Variants in MAPK10 observed in about 807,000 individuals in gnomAD.
The protein encoded by MAPK10 is JNK3 alpha protein kinase.
A neutral mutation model predicts 59.3 loss-of-function variants in MAPK10; 25 were observed. The ratio of observed to expected loss-of-function variants is 0.42; its 90% CI spans 0.31 to 0.59. The LOEUF (loss-of-function observed/expected upper bound fraction) is 0.59. Among genes scored for constraint, MAPK10 ranks in the 20% least tolerant of loss-of-function variants. The probability of loss-of-function intolerance (pLI) is 0.15; values close to 1 mark genes in which losing one functional copy is unlikely to be tolerated. For missense variants in MAPK10, 351 were observed against 568.9 expected (o/e 0.62, Z 3.90); for synonymous variants, 190 against 200.5 (o/e 0.95, Z 0.44).
At chr4:86,306,408 T>C (rs909399099) in intron 2 of MAPK10, among the ~76,000 whole-genome samples, 2 of 152,194 alleles carry the variant, frequency 1.3e-5, no homozygotes, top group African/African-American at 4.8e-5. Context: ...ATTATGAAAA[T>C]ACTTTTTGAC....
chr4:86,379,540 G>C (rs556911223), intron 1 of MAPK10, among the ~76,000 whole-genome samples: 3 of 152,262 alleles, frequency 2.0e-5, no homozygotes, highest in South Asian at 2.1e-4. Flanking sequence ...TGGGTTTACC[G>C]GAATGAGGGC....
At chr4:86,236,840 CTA>C (rs1313595680) in intron 2 of MAPK10, among the ~76,000 whole-genome samples, 1 of 152,070 alleles carries the variant, frequency 6.6e-6, no homozygotes, top group Non-Finnish European at 1.5e-5. Context: ...AAGGAGGAAA[CTA>C]GAGGTGGAAG....
chr4:86,075,591 T>C (rs191245858), intron 9 of MAPK10, among the ~76,000 whole-genome samples: 109 of 152,314 alleles, frequency 7.2e-4, no homozygotes, highest in African/African-American at 2.6e-3. Context: ...GTCCTTTCTG[T>C]TTGTTAGTTT....
intron 1 of MAPK10, among the ~76,000 whole-genome samples, chr4:86,487,360 A>AGTGTGTGT (rs1344194192): frequency 1.8e-4 from 6 of 33,022 alleles, no homozygotes; most frequent in African/African-American, 3.9e-4. Context: ...AGAGAGAGAG[A>AGTGTGTGT]GAGTGTGTGT....
intron 1 of MAPK10, among the ~76,000 whole-genome samples, chr4:86,383,847 A>C (rs1013134725): frequency 2.6e-5 from 4 of 152,220 alleles, no homozygotes; most frequent in Admixed American, 6.5e-5. Flanking sequence ...TACTTCACAC[A>C]CAATTGAAAG....
intron 1 of MAPK10, among the ~76,000 whole-genome samples, chr4:86,491,092 C>A (rs1277190665): frequency 6.6e-6 from 1 of 152,130 alleles, no homozygotes; most frequent in Non-Finnish European, 1.5e-5. Context: ...CTTGGCTATC[C>A]CATGCATGGG....
intron 4 of MAPK10, among the ~76,000 whole-genome samples, chr4:86,139,134 T>TCCCC (rs1250327871): frequency 7.0e-6 from 1 of 142,046 alleles, no homozygotes; most frequent in Non-Finnish European, 1.5e-5. Context: ...TTCAATGCCA[T>TCCCC]CCCCATCAAG....
intron 1 of MAPK10, among the ~76,000 whole-genome samples, chr4:86,433,942 C>T (rs1748377328): frequency 1.3e-5 from 2 of 152,182 alleles, no homozygotes; most frequent in Admixed American, 1.3e-4. Flanking sequence ...CCACACGTAT[C>T]ACATGGAGAA....
chr4:86,088,498 T>C (rs2052424220), intron 9 of MAPK10, among the ~76,000 whole-genome samples: 1 of 152,198 alleles, frequency 6.6e-6, no homozygotes, highest in African/African-American at 2.4e-5. Context: ...TGATCTTTAC[T>C]TGTTAATTAT....
chr4:86,102,592 C>T (rs2149074880), intron 6 of MAPK10: 1 of 153,636 alleles, frequency 6.5e-6, no homozygotes, highest in African/African-American at 2.4e-5. Flanking sequence ...ACGATCTCAG[C>T]TCACTGCAAC....
chr4:86,294,891 G>A (rs570905999), intron 2 of MAPK10, among the ~76,000 whole-genome samples: 5 of 152,296 alleles, frequency 3.3e-5, no homozygotes, highest in African/African-American at 1.2e-4. Context: ...AACCCCACAA[G>A]GCTTTGGAAA....
chr4:86,304,650 C>T (rs931701439), intron 2 of MAPK10, among the ~76,000 whole-genome samples: 3 of 152,048 alleles, frequency 2.0e-5, no homozygotes, highest in African/African-American at 4.8e-5. Flanking sequence ...CCTCGGCCTC[C>T]CAAAGTGCTG....
chr4:86,100,833 C>T (rs2055218345), intron 8 of MAPK10: 2 of 461,398 alleles, frequency 4.3e-6, no homozygotes, highest in South Asian at 3.6e-5. Flanking sequence ...TCACTATTAA[C>T]ATTTAGTGCT....
At chr4:86,266,298 A>C (rs181333744) in intron 2 of MAPK10, among the ~76,000 whole-genome samples, 5 of 152,280 alleles carry the variant, frequency 3.3e-5, no homozygotes, top group African/African-American at 1.2e-4. Context: ...CTTGGTTTCA[A>C]ATACTTGCCT....
intron 2 of MAPK10, among the ~76,000 whole-genome samples, chr4:86,200,356 T>C (rs1388718114): frequency 6.6e-6 from 1 of 152,062 alleles, no homozygotes; most frequent in East Asian, 1.9e-4. Flanking sequence ...AACAGTGTTC[T>C]AACTTCTTTC....
intron 1 of MAPK10, among the ~76,000 whole-genome samples, chr4:86,431,800 C>T (rs925830418): frequency 3.3e-5 from 5 of 152,106 alleles, no homozygotes; most frequent in East Asian, 1.9e-4. Context: ...CATGTGCATT[C>T]GCATTGAGCT....
At position 86,389,225 on chromosome 4, in the gene MAPK10, T is replaced by C. The variant is rs116624755; in HGVS notation, c.-121-34581A>G. Among the ~76,000 whole-genome samples, 686 of 152,230 alleles carry C rather than the reference T, an allele frequency of 4.5e-3. 2 individuals carry two copies. The highest frequency in any genetic ancestry group is 0.01 in the Middle Eastern group (3 of 294). On this transcript the variant is annotated intron_variant, in intron 1 of 13. Transcript: ENST00000361569. The stretch of plus-strand genomic sequence containing the variant: ...AAGATATGCTCACTCCCCCTTTGCC[T>C]TCCACCATGATTGTGAGTTTCCTAA...
chr4:86,183,615 T>C lies in MAPK10; in HGVS notation c.66+10721A>G, dbSNP rs111694589. Reference sequence around the variant, plus strand: ...CAATAAACATACGTGTGCATGTGTCTTTATAGTGGCATGATTTGTAATCCT... The same window carrying C: ...CAATAAACATACGTGTGCATGTGTCCTTATAGTGGCATGATTTGTAATCCT... On this transcript the variant is annotated intron_variant, in intron 3 of 13. Transcript: ENST00000641462. 2.3e-4 allele frequency among the ~76,000 whole-genome samples: 35 copies of C among 152,260 alleles called. No homozygotes were observed. In the Middle Eastern group the frequency reaches 0.01, roughly 44 times the overall value.
chr4:86,508,735 G>A (rs1755984839), intron 1 of MAPK10, among the ~76,000 whole-genome samples: 1 of 152,118 alleles, frequency 6.6e-6, no homozygotes. Context: ...GCATGATATG[G>A]CCAATTAAAA....
Sources: gnomAD v4.1 joint callset for allele counts (sites outside exome capture counted in the v4.1 genomes callset) on GRCh38, gnomAD v4.1.1 for gene constraint, MANE v1.5 for transcripts, NCBI Gene and HGNC (gene_info 2026-07-23, HGNC 2026-07-21) for gene names.